Variants in PMPCB observed in about 807,000 individuals in gnomAD.
The protein encoded by PMPCB is mitochondrial-processing peptidase subunit beta.
Under a neutral mutation model 61.5 loss-of-function variants are expected in PMPCB, and 46 were observed. The ratio of observed to expected loss-of-function variants is 0.75; its 90% CI spans 0.59 to 0.96. The LOEUF is 0.96. Ranked by LOEUF, PMPCB falls within the 40% of genes least tolerant of loss-of-function variation. The pLI is 0.00. For missense variants in PMPCB, 590 were observed against 602.4 expected, an observed-to-expected ratio of 0.98 and a Z score of 0.22; for synonymous variants, 191 against 201.6, an observed-to-expected ratio of 0.95 and a Z score of 0.44.
At chr7:103,323,159 A>AC (rs1483207811) in intron 12 of PMPCB, among the ~76,000 whole-genome samples, 6 of 152,098 alleles carry the variant, frequency 3.9e-5, no homozygotes, top group African/African-American at 1.2e-4. Flanking sequence ...CGCACTCCTG[A>AC]CCTCAGGTGA....
the PMPCB span, among the ~76,000 whole-genome samples, chr7:103,338,265 G>T: frequency 3.1e-5 from 4 of 130,332 alleles, no homozygotes; most frequent in African/African-American, 1.4e-4. Context: ...GCAAGACCCT[G>T]TCTTTTTTTT....
chr7:103,313,665 G>A lies in PMPCB; in HGVS notation c.*1394G>A, dbSNP rs534974393. On this transcript the variant is annotated 3_prime_UTR_variant, in exon 13 of 13. Coordinates refer to ENST00000249269, the MANE Select transcript of PMPCB (RefSeq NM_004279.3). Reference sequence around the variant, plus strand: ...TGTGTTGTAGTGTGGTGTTCTCTTCGTCACATCTGCTAAAATCTTGGGAGC... The same window carrying A: ...TGTGTTGTAGTGTGGTGTTCTCTTCATCACATCTGCTAAAATCTTGGGAGC... The A allele has an allele frequency of 1.3e-5, 13 of 985,252 alleles. No individual in the cohort carries two copies. In the African/African-American group the frequency reaches 1.9e-4, roughly 15 times the overall value. The allele number at this position is 985,252 out of a possible 1,614,324, so 61.0% of individuals were successfully genotyped here.
At chr7:103,345,719 A>C in the PMPCB span, among the ~76,000 whole-genome samples, 10 of 151,186 alleles carry the variant, frequency 6.6e-5, no homozygotes, top group Non-Finnish European at 1.5e-4. Context: ...GTCTCCCAAA[A>C]CTCTGGGATT....
chr7:103,321,970 T>C lies in PMPCB; in HGVS notation c.*1432-6961T>C, dbSNP rs372358510. On this transcript the variant is annotated intron_variant and NMD_transcript_variant, in intron 12 of 12. Transcript: ENST00000444457. ...CGAAGTTTTTGCCTTTCCTTCTTAA[T>C]GGCTTTTTTCTGGATATCTTTTTCC... 101 of 1,613,846 alleles carry C rather than the reference T, an allele frequency of 6.3e-5. No homozygotes were observed. The African/African-American group carries it at 1.3e-3, about 20-fold the overall frequency.
At chr7:103,308,158 C>G (rs567490257) in intron 7 of PMPCB, among the ~76,000 whole-genome samples, 1 of 152,314 alleles carries the variant, frequency 6.6e-6, no homozygotes, top group African/African-American at 2.4e-5. Flanking sequence ...TGCAGGGGAT[C>G]TACTAGTTAT....
rs777882922 is a variant in PMPCB at position 103,299,464 on chromosome 7, G to A, written c.262G>A (p.Gly88Arg). The change falls in exon 3 of 13, where the codon GGA becomes AGA. Residue 88 changes from glycine to arginine, a missense_variant. Gly to Arg is a moderately radical substitution (Grantham distance 125, BLOSUM62 -2). Transcript: ENST00000249269. ...TCTVGLWIDA[G>R]SRYENEKNNG... is the part of the protein sequence containing the mutation. ...TAAGGTTGGACTCTGGATTGATGCT[G>A]GAAGTAGATACGAAAATGAGAAGAA... is the stretch of plus-strand genomic sequence containing the variant. 6.2e-7 allele frequency: 1 copy of A among 1,608,386 alleles called. No homozygotes were observed. Among genetic ancestry groups the A allele is most frequent in the Non-Finnish European group, 8.5e-7 (1 of 1,175,292 alleles).
the PMPCB span, among the ~76,000 whole-genome samples, chr7:103,334,657 A>G: frequency 6.6e-6 from 1 of 151,240 alleles, no homozygotes; most frequent in East Asian, 1.9e-4. Flanking sequence ...TATGTTGTCC[A>G]GGTTGGTCTT....
At position 103,314,526 on chromosome 7, in the gene PMPCB, C is replaced by T. The variant is rs1237881633; in HGVS notation, c.*2255C>T. The T allele has an allele frequency of 2.0e-6, 2 of 985,268 alleles. No homozygotes were observed. The highest frequency in any genetic ancestry group is 2.4e-6 in the Non-Finnish European group (2 of 829,938). The allele number at this position is 985,268 out of a possible 1,614,324, so 61.0% of individuals were successfully genotyped here. Reference sequence around the variant, plus strand: ...TCCCTCCAACATGGAAACAAGTCCCCCTAAGAAAGAGCTGAGACTAGTGTG... The same window carrying T: ...TCCCTCCAACATGGAAACAAGTCCCTCTAAGAAAGAGCTGAGACTAGTGTG... On this transcript the variant is annotated 3_prime_UTR_variant, in exon 13 of 13. Coordinates refer to ENST00000249269, the MANE Select transcript of PMPCB (RefSeq NM_004279.3).
At chr7:103,318,353 TTTTG>T (rs1451779992), downstream of PMPCB, among the ~76,000 whole-genome samples, 5 of 152,088 alleles carry the variant, frequency 3.3e-5, no homozygotes, top group African/African-American at 7.2e-5. Context: ...TCGGTAGAGA[TTTTG>T]TTTATGTTGC....
In PMPCB at chr7:103,312,624, T is replaced by A; in HGVS notation, c.*353T>A. On this transcript the variant is annotated 3_prime_UTR_variant, in exon 13 of 13. Coordinates refer to ENST00000249269, the MANE Select transcript of PMPCB (RefSeq NM_004279.3). ...TTGTTCTTGAGCAGCTTTCTTTGCTTTTACCATCTCGACAAGTTCCTAGGA... is the reference window on the plus strand; with the variant it reads ...TTGTTCTTGAGCAGCTTTCTTTGCTATTACCATCTCGACAAGTTCCTAGGA... 1 of 1,613,526 alleles carries A rather than the reference T, an allele frequency of 6.2e-7. No individual in the cohort carries two copies. Among genetic ancestry groups the A allele is most frequent in the Non-Finnish European group, 8.5e-7 (1 of 1,179,802 alleles).
At chr7:103,303,671 A>G (rs1586042295) in intron 4 of PMPCB, among the ~76,000 whole-genome samples, 171 bp from the exon 5 acceptor site, 2 of 152,174 alleles carry the variant, frequency 1.3e-5, no homozygotes, top group African/African-American at 4.8e-5. Flanking sequence ...AGGGGTTTAT[A>G]TGTTAAATTT....
At position 103,312,404 on chromosome 7, in the gene PMPCB, T is replaced by C. The variant is rs1215801887; in HGVS notation, c.*133T>C. On this transcript the variant is annotated 3_prime_UTR_variant, in exon 13 of 13. Coordinates refer to ENST00000249269, the MANE Select transcript of PMPCB (RefSeq NM_004279.3). The stretch of plus-strand genomic sequence containing the variant: ...TCATACTTTCAAAGGATAAAAAGAC[T>C]ACCCCTCTGAAGGTTGTTTTGTATT... The C allele has an allele frequency of 5.3e-6, 8 of 1,513,114 alleles. No individual in the cohort carries two copies. The highest frequency in any genetic ancestry group is 1.4e-5 in the African/African-American group (1 of 71,150). 93.7% of individuals were successfully genotyped at this position (1,513,114 alleles called of 1,614,324 possible). A position where few individuals can be genotyped will look rare whatever the true frequency, so the allele number is the denominator to read the frequency against.
the PMPCB span, chr7:103,345,026 A>C: frequency 2.7e-6 from 1 of 373,806 alleles, no homozygotes; most frequent in Non-Finnish European, 4.8e-6. Flanking sequence ...TTATGTATTA[A>C]TCTGAACCTA....
At chr7:103,333,912 T>C (rs1001212453), downstream of PMPCB, among the ~76,000 whole-genome samples, 1 of 152,220 alleles carries the variant, frequency 6.6e-6, no homozygotes, top group Admixed American at 6.5e-5. Context: ...ATTTGGGTGA[T>C]TTCCAGTTTC....
At position 103,309,090 on chromosome 7, in the gene PMPCB, G is replaced by A. The variant is rs1242692712; in HGVS notation, c.988G>A (p.Gly330Arg). ...CAACTGGGATCGCTCTTTTGGGGGA[G>A]GAATGGTAAGTGATTTTAAAAGAAA... Reference protein sequence around the residue: ...IGNWDRSFGGGMNLSSKLAQL... With the variant: ...IGNWDRSFGGRMNLSSKLAQL... The change falls in exon 8 of 13, where the codon GGA becomes AGA. Residue 330 changes from glycine (G) to arginine (R), a missense_variant. Transcript: ENST00000249269. 3.8e-6 allele frequency: 6 copies of A among 1,590,732 alleles called. No homozygotes were observed. The East Asian group carries it at 1.1e-4, about 30-fold the overall frequency.
intron 6 of PMPCB, among the ~76,000 whole-genome samples, chr7:103,307,281 G>C (rs866033642): frequency 7.9e-5 from 12 of 152,088 alleles, no homozygotes; most frequent in Admixed American, 1.3e-4. Flanking sequence ...TGCTAGTTTG[G>C]ATCCCAGAGG....
At chr7:103,327,119 A>C (rs556955363) in intron 12 of PMPCB, among the ~76,000 whole-genome samples, 21 of 152,316 alleles carry the variant, frequency 1.4e-4, no homozygotes, top group African/African-American at 4.8e-4. Flanking sequence ...ACATTTAAGG[A>C]AACATTTAGA....
chr7:103,323,625 T>C (rs779830382), intron 12 of PMPCB: 1 of 1,461,912 alleles, frequency 6.8e-7, no homozygotes, highest in South Asian at 1.3e-5. Flanking sequence ...TTCTTCTTCA[T>C]CTAAATAAGA....
chr7:103,312,103 T>TAATA lies in PMPCB; in HGVS notation c.1378_1381dup (p.Arg461LysfsTer2). 3 of 1,614,088 alleles carry TAATA rather than the reference T, an allele frequency of 1.9e-6. No homozygotes were observed. Among genetic ancestry groups the TAATA allele is most frequent in the Non-Finnish European group, 2.5e-6 (3 of 1,179,974 alleles). ...GAGAAGTATGTACCAAATACATTTATAATAGGAGTCCAGCTATTGCTGCTG... is the reference window on the plus strand; with the variant it reads ...GAGAAGTATGTACCAAATACATTTATAATAAATAGGAGTCCAGCTATTGCTGCTG... On this transcript the variant is annotated frameshift_variant, in exon 12 of 13. Transcript: ENST00000249269. LOFTEE classifies it high-confidence loss of function.
Sources: allele counts gnomAD v4.1 joint callset (sites outside exome capture counted in the v4.1 genomes callset), GRCh38; gene constraint gnomAD v4.1.1; transcripts MANE v1.5; gene names NCBI Gene and HGNC (gene_info 2026-07-23, HGNC 2026-07-21).